SHISA9: variants seen among roughly 807,000 people sequenced by gnomAD.
SHISA9 encodes shisa family member 9.
SHISA9 carries 13 observed loss-of-function variants against 38.0 expected under a neutral mutation model. The observed-to-expected ratio is 0.34, with a 90% CI of 0.22 to 0.54. The LOEUF is 0.54. SHISA9 is among the 20% of genes least tolerant of loss of function. The pLI is 0.91. For missense variants in SHISA9, 538 were observed against 575.8 expected, an observed-to-expected ratio of 0.93 and a Z score of 0.67; for synonymous variants, 275 against 242.0, an observed-to-expected ratio of 1.14 and a Z score of -1.27.
intron 2 of SHISA9, among the ~76,000 whole-genome samples, chr16:13,171,064 G>A (rs2050681620): frequency 6.6e-6 from 1 of 152,228 alleles, no homozygotes; most frequent in Non-Finnish European, 1.5e-5. Flanking sequence ...TCTGCTTCTG[G>A]TGAGGGCCTC....
chr16:13,182,683 T>C (rs918184075), intron 2 of SHISA9, among the ~76,000 whole-genome samples: 1 of 152,210 alleles, frequency 6.6e-6, no homozygotes, highest in African/African-American at 2.4e-5. Flanking sequence ...CTCTACAACT[T>C]AATAAGCAAT....
intron 2 of SHISA9, among the ~76,000 whole-genome samples, chr16:13,153,792 C>CT (rs1205538866): frequency 6.6e-6 from 1 of 152,116 alleles, no homozygotes; most frequent in Non-Finnish European, 1.5e-5. Flanking sequence ...GATTATGGTA[C>CT]TTTTTTCTGC....
At chr16:12,977,381 T>A (rs1461030874) in intron 2 of SHISA9, among the ~76,000 whole-genome samples, 1 of 152,110 alleles carries the variant, frequency 6.6e-6, no homozygotes, top group African/African-American at 2.4e-5. Context: ...GAATGAGAAG[T>A]TAAAACCACT....
At chr16:13,556,620 G>A in the SHISA9 span, among the ~76,000 whole-genome samples, 1 of 152,022 alleles carries the variant, frequency 6.6e-6, no homozygotes, top group East Asian at 1.9e-4. Flanking sequence ...CCTAGATCGC[G>A]CCATTGCACT....
chr16:13,101,175 T>C lies in SHISA9; in HGVS notation c.692-102219T>C, dbSNP rs183625508. The stretch of plus-strand genomic sequence containing the variant: ...TCACTTGTGCAAGATGAATGAGCTC[T>C]GGAGATCTAATGTACAGCCATGTGA... On this transcript the variant is annotated intron_variant, in intron 2 of 4. Coordinates refer to ENST00000558583, the MANE Select transcript of SHISA9 (RefSeq NM_001145204.3). Among the ~76,000 whole-genome samples the C allele has an allele frequency of 1.4e-4, 21 of 152,304 alleles. No homozygotes were observed. The East Asian group carries it at 3.1e-3, about 22-fold the overall frequency.
the SHISA9 span, among the ~76,000 whole-genome samples, chr16:13,368,146 G>C: frequency 6.6e-6 from 1 of 152,142 alleles, no homozygotes; most frequent in South Asian, 2.1e-4. Flanking sequence ...AACTGAGCAA[G>C]ATCACCTGCA....
At chr16:13,099,135 G>A (rs916617042) in intron 2 of SHISA9, among the ~76,000 whole-genome samples, 2 of 152,232 alleles carry the variant, frequency 1.3e-5, no homozygotes, top group Non-Finnish European at 2.9e-5. Context: ...ACACATCCAT[G>A]TCAATTCACT....
intron 2 of SHISA9, among the ~76,000 whole-genome samples, chr16:13,122,903 C>T (rs1596663382): frequency 6.6e-6 from 1 of 152,072 alleles, no homozygotes; most frequent in South Asian, 2.1e-4. Flanking sequence ...AAAAATTAGC[C>T]AGGTGTGGTG....
chr16:13,561,157 G>A, the SHISA9 span, among the ~76,000 whole-genome samples: 2 of 152,294 alleles, frequency 1.3e-5, no homozygotes, highest in South Asian at 2.1e-4. Context: ...ATGGGCCGCC[G>A]CGCCTGGCCT....
At chr16:13,322,661 A>T in the SHISA9 span, among the ~76,000 whole-genome samples, 1 of 152,192 alleles carries the variant, frequency 6.6e-6, no homozygotes, top group African/African-American at 2.4e-5. Flanking sequence ...GTCTCTGCAG[A>T]TGCGCTTCCC....
At chr16:13,360,738 C>A in the SHISA9 span, among the ~76,000 whole-genome samples, 3 of 152,130 alleles carry the variant, frequency 2.0e-5, no homozygotes, top group Non-Finnish European at 4.4e-5. Context: ...ATAGGTGGAG[C>A]CGAGGAGCTT....
chr16:13,103,956 A>G (rs1221501220), intron 2 of SHISA9, among the ~76,000 whole-genome samples: 1 of 152,138 alleles, frequency 6.6e-6, no homozygotes, highest in Non-Finnish European at 1.5e-5. Flanking sequence ...CTCCAAAGCC[A>G]TCCTGCTTGG....
intron 2 of SHISA9, among the ~76,000 whole-genome samples, chr16:13,014,019 G>A (rs996082007): frequency 9.9e-5 from 15 of 152,126 alleles, no homozygotes; most frequent in African/African-American, 3.1e-4. Context: ...GTGAACCACC[G>A]GGCCTGGCCT....
the SHISA9 span, among the ~76,000 whole-genome samples, chr16:13,452,123 T>C: frequency 6.6e-6 from 1 of 152,344 alleles, no homozygotes; most frequent in East Asian, 1.9e-4. Flanking sequence ...TATGGCAACC[T>C]GGGGCTGGGG....
chr16:13,026,183 A>G lies in SHISA9; in HGVS notation c.691+109368A>G, dbSNP rs577612092. On this transcript the variant is annotated intron_variant, in intron 2 of 4. Coordinates refer to ENST00000558583, the MANE Select transcript of SHISA9 (RefSeq NM_001145204.3). ...TGTGGCAGATTTCTAGAATGTATCCATCTTGTACAATTGAGACATTTTTGC... is the reference window on the plus strand; with the variant it reads ...TGTGGCAGATTTCTAGAATGTATCCGTCTTGTACAATTGAGACATTTTTGC... 2.6e-5 allele frequency among the ~76,000 whole-genome samples: 4 copies of G among 152,294 alleles called. No individual in the cohort carries two copies. In the South Asian group the frequency reaches 6.2e-4, roughly 24 times the overall value.
the SHISA9 span, among the ~76,000 whole-genome samples, chr16:13,290,288 C>T: frequency 6.6e-6 from 1 of 151,948 alleles, no homozygotes; most frequent in Non-Finnish European, 1.5e-5. Context: ...CCCTTAAGTA[C>T]TATGTTGGTT....
chr16:13,319,136 T>C, the SHISA9 span, among the ~76,000 whole-genome samples: 1 of 152,176 alleles, frequency 6.6e-6, no homozygotes, highest in Admixed American at 6.5e-5. Context: ...GCCTCCCGAG[T>C]AGCTGGGACT....
intron 2 of SHISA9, among the ~76,000 whole-genome samples, chr16:13,109,987 CAT>C (rs750944872): frequency 3.8e-4 from 58 of 152,250 alleles, no homozygotes; most frequent in African/African-American, 1.3e-3. Flanking sequence ...TTTGTGGACA[CAT>C]GTTTTCATTT....
chr16:13,041,349 G>A (rs1047479143), intron 2 of SHISA9, among the ~76,000 whole-genome samples: 4 of 152,182 alleles, frequency 2.6e-5, no homozygotes, highest in African/African-American at 9.7e-5. Flanking sequence ...TCCTGCTGTT[G>A]TCTCTACCCT....
Sources: gnomAD v4.1 joint callset for allele counts (sites outside exome capture counted in the v4.1 genomes callset) on GRCh38, gnomAD v4.1.1 for gene constraint, MANE v1.5 for transcripts, NCBI Gene and HGNC (gene_info 2026-07-23, HGNC 2026-07-21) for gene names.